The following PIK3AP1 variants were observed in gnomAD, a reference collection of about 807,000 sequenced individuals.
The protein encoded by PIK3AP1 is phosphoinositide 3-kinase adapter protein 1.
PIK3AP1 carries 21 observed loss-of-function variants against 88.1 expected under a neutral mutation model. The observed-to-expected ratio is 0.24, with a 90% CI of 0.17 to 0.34. PIK3AP1 has a LOEUF of 0.34. Ranked by LOEUF, PIK3AP1 falls within the 10% of genes least tolerant of loss-of-function variation. The probability of loss-of-function intolerance (pLI) is 1.00; values close to 1 mark genes in which losing one functional copy is unlikely to be tolerated. For missense variants in PIK3AP1, 828 were observed against 1,035.7 expected (o/e 0.80, Z 2.75); for synonymous variants, 398 against 400.0 (o/e 1.00, Z 0.06).
chr10:96,661,840 GGA>G (rs765408913), intron 2 of PIK3AP1, among the ~76,000 whole-genome samples: 1 of 129,694 alleles, frequency 7.7e-6, no homozygotes, highest in African/African-American at 2.9e-5. Flanking sequence ...GAAAGGAAAG[GGA>G]AAAGGGAAAG....
In PIK3AP1 at chr10:96,672,302, G is replaced by A. The variant is rs12098341; in HGVS notation, c.431-15368C>T. ...CACTGCACATCGGTGAATTTGCAGC[G>A]CTGGGTGGAGGGTTCTGGGTCAAGG... On this transcript the variant is annotated intron_variant, in intron 2 of 16. Coordinates refer to ENST00000339364, the MANE Select transcript of PIK3AP1 (RefSeq NM_152309.3). Among the ~76,000 whole-genome samples, 803 of 152,280 alleles carry A rather than the reference G, an allele frequency of 5.3e-3. 6 individuals carry two copies. Among genetic ancestry groups the A allele is most frequent in the African/African-American group, 0.019 (772 of 41,544 alleles).
At chr10:96,653,709 A>T (rs1843576191) in intron 3 of PIK3AP1, among the ~76,000 whole-genome samples, 1 of 152,042 alleles carries the variant, frequency 6.6e-6, no homozygotes, top group African/African-American at 2.4e-5. Flanking sequence ...GCTGGTCTCG[A>T]ACTCCTGACC....
chr10:96,718,126 A>G (rs1041813879), intron 1 of PIK3AP1, among the ~76,000 whole-genome samples: 2 of 152,228 alleles, frequency 1.3e-5, no homozygotes, highest in African/African-American at 4.8e-5. Context: ...GGCAAAGTAG[A>G]TCTTAGGGCT....
intron 16 of PIK3AP1, among the ~76,000 whole-genome samples, chr10:96,596,564 G>A (rs932635321): frequency 6.6e-6 from 1 of 152,150 alleles, no homozygotes; most frequent in African/African-American, 2.4e-5. Context: ...GATTTGTTGA[G>A]AGAGGAATTG....
chr10:96,644,336 T>TA (rs1362056264), intron 8 of PIK3AP1, among the ~76,000 whole-genome samples: 2 of 152,248 alleles, frequency 1.3e-5, no homozygotes, highest in Non-Finnish European at 2.9e-5. Context: ...TATTTATACC[T>TA]ATGTGTATAT....
intron 2 of PIK3AP1, among the ~76,000 whole-genome samples, chr10:96,678,147 T>C (rs1348595853): frequency 4.6e-5 from 7 of 151,866 alleles, no homozygotes; most frequent in South Asian, 2.1e-4. Flanking sequence ...TTAAAAAAAA[T>C]TGTAGGCTGG....
intron 2 of PIK3AP1, among the ~76,000 whole-genome samples, chr10:96,657,817 A>G (rs918573384): frequency 2.0e-5 from 3 of 152,170 alleles, no homozygotes; most frequent in Admixed American, 6.5e-5. Flanking sequence ...TAATCCCAGC[A>G]CTTTGGGAGG....
At chr10:96,619,967 C>T (rs1167047632) in intron 12 of PIK3AP1, among the ~76,000 whole-genome samples, 1 of 152,090 alleles carries the variant, frequency 6.6e-6, no homozygotes, top group African/African-American at 2.4e-5. Flanking sequence ...CTCTTTGAGT[C>T]ATAAAGTGTG....
intron 8 of PIK3AP1, among the ~76,000 whole-genome samples, chr10:96,634,251 C>A (rs560045745): frequency 6.6e-6 from 1 of 152,118 alleles, no homozygotes; most frequent in Non-Finnish European, 1.5e-5. Context: ...GGCAAAGGTG[C>A]AGGGAGGAGA....
At chr10:96,620,679 G>T in intron 11 of PIK3AP1, 122 bp from the exon 12 acceptor site, 1 of 794,268 alleles carries the variant, frequency 1.3e-6, no homozygotes, top group Non-Finnish European at 2.0e-6. Flanking sequence ...ACAATTACAT[G>T]TGGCCAAGAA....
chr10:96,602,265 C>T lies in PIK3AP1; in HGVS notation c.2360+15G>A, dbSNP rs781413494. 5 of 1,572,288 alleles carry T rather than the reference C, an allele frequency of 3.2e-6. No individual in the cohort carries two copies. The highest frequency in any genetic ancestry group is 1.8e-5 in the Admixed American group (1 of 56,970). On this transcript the variant is annotated intron_variant, in intron 16 of 16. Coordinates refer to ENST00000339364, the MANE Select transcript of PIK3AP1 (RefSeq NM_152309.3). The stretch of plus-strand genomic sequence containing the variant: ...CAGAGATAAGGGAAAAATTTCATAT[C>T]AGTTTTGATGTTACCTCTGTGAGGC...
intron 2 of PIK3AP1, among the ~76,000 whole-genome samples, chr10:96,702,325 C>A (rs909890606): frequency 1.3e-5 from 2 of 151,868 alleles, no homozygotes; most frequent in Admixed American, 6.6e-5. Flanking sequence ...ATGGTGAAAC[C>A]CCATCTCTAC....
intron 15 of PIK3AP1, 27 bp downstream of exon 15, chr10:96,603,952 T>C: frequency 1.3e-6 from 2 of 1,557,394 alleles, no homozygotes; most frequent in Non-Finnish European, 8.8e-7. Flanking sequence ...TAGGACAGGA[T>C]AGGTGGGGTG....
Position 96,616,678 on chromosome 10 carries a change from G to A in PIK3AP1, c.1975C>T (p.Arg659Ter), listed in dbSNP as rs1849220229. The A allele has an allele frequency of 3.1e-6, 5 of 1,614,100 alleles. No individual in the cohort carries two copies. Among genetic ancestry groups the A allele is most frequent in the East Asian group, 2.2e-5 (1 of 44,886 alleles). Residue 659 changes from arginine (R) to a stop codon, truncating the protein, a stop_gained, in exon 13 of 17, where the codon CGA becomes TGA. Transcript: ENST00000339364. LOFTEE classifies it high-confidence loss of function. ...NLKRLRDSITRRQREKQKSGK... is the reference protein window; with the variant it reads ...NLKRLRDSIT ...GATTTTTGCTTCTCTCTCTGTCTTC[G>A]GGTGATGCTGTCTCTTAGCCGTTTA...
At chr10:96,685,972 C>T (rs927274588) in intron 2 of PIK3AP1, among the ~76,000 whole-genome samples, 4 of 152,110 alleles carry the variant, frequency 2.6e-5, no homozygotes, top group African/African-American at 9.7e-5. Flanking sequence ...TCTGCCACGT[C>T]CCATATAGCA....
At chr10:96,635,546 C>T (rs141839482) in intron 8 of PIK3AP1, among the ~76,000 whole-genome samples, 1 of 152,280 alleles carries the variant, frequency 6.6e-6, no homozygotes, top group East Asian at 1.9e-4. Context: ...AACATCACTA[C>T]CAATCATAGC....
At chr10:96,710,545 C>A (rs1426497107) in intron 1 of PIK3AP1, among the ~76,000 whole-genome samples, 2 of 152,052 alleles carry the variant, frequency 1.3e-5, no homozygotes, top group African/African-American at 4.8e-5. Context: ...GATCCTTGCA[C>A]GAGCTATTGC....
chr10:96,617,102 G>C (rs994827139), intron 12 of PIK3AP1, among the ~76,000 whole-genome samples: 1 of 152,120 alleles, frequency 6.6e-6, no homozygotes, highest in Non-Finnish European at 1.5e-5. Flanking sequence ...TCTGGATCAA[G>C]GCCCACTTTC....
At chr10:96,634,846 G>A (rs1334058629) in intron 8 of PIK3AP1, among the ~76,000 whole-genome samples, 2 of 152,206 alleles carry the variant, frequency 1.3e-5, no homozygotes, top group African/African-American at 4.8e-5. Context: ...TGTCAGGGCT[G>A]CATTCCTTTC....
Sources: gnomAD v4.1 joint callset for allele counts (sites outside exome capture counted in the v4.1 genomes callset) on GRCh38, gnomAD v4.1.1 for gene constraint, MANE v1.5 for transcripts, NCBI Gene and HGNC (gene_info 2026-07-23, HGNC 2026-07-21) for gene names.